Variants in MAML2 observed in about 807,000 individuals in gnomAD.
MAML2 encodes the protein mastermind-like protein 2.
MAML2 carries 22 observed loss-of-function variants against 96.1 expected under a neutral mutation model. The observed-to-expected ratio is 0.23, with a 90% confidence interval of 0.16 to 0.33. The LOEUF (loss-of-function observed/expected upper bound fraction) is 0.33, where lower values mean the gene tolerates loss of function less well. Ranked by LOEUF, MAML2 falls within the 10% of genes least tolerant of loss-of-function variation. The pLI is 1.00. For missense variants in MAML2, 1,367 were observed against 1,392.4 expected (o/e 0.98, Z 0.29); for synonymous variants, 561 against 521.3 (o/e 1.08, Z -1.04).
At chr11:96,295,167 A>G (rs1863274025) in intron 1 of MAML2, among the ~76,000 whole-genome samples, 1 of 152,228 alleles carries the variant, frequency 6.6e-6, no homozygotes, top group African/African-American at 2.4e-5. Flanking sequence ...ACTCTGAAAT[A>G]TGCACATTTA....
chr11:96,208,628 T>C (rs1861926375), intron 1 of MAML2, among the ~76,000 whole-genome samples: 2 of 152,214 alleles, frequency 1.3e-5, no homozygotes, highest in Admixed American at 1.3e-4. Flanking sequence ...CTTACTAGTT[T>C]ATTAATTCTG....
intron 2 of MAML2, among the ~76,000 whole-genome samples, chr11:96,001,210 G>T (rs1858072946): frequency 6.6e-6 from 1 of 152,162 alleles, no homozygotes; most frequent in Admixed American, 6.6e-5. Context: ...CTCTGGGGTG[G>T]ACACGTATTA....
At chr11:96,037,486 A>T (rs1858736308) in intron 2 of MAML2, among the ~76,000 whole-genome samples, 2 of 152,218 alleles carry the variant, frequency 1.3e-5, no homozygotes, top group Admixed American at 1.3e-4. Flanking sequence ...CCTGTTACTG[A>T]AGCATGCATT....
intron 1 of MAML2, among the ~76,000 whole-genome samples, chr11:96,125,103 A>G (rs896953787): frequency 2.0e-5 from 3 of 152,190 alleles, no homozygotes; most frequent in Non-Finnish European, 4.4e-5. Flanking sequence ...TTTGGAAGAA[A>G]AGACATTGCT....
intron 2 of MAML2, among the ~76,000 whole-genome samples, chr11:96,060,202 A>G (rs1405364881): frequency 1.3e-5 from 2 of 152,256 alleles, no homozygotes; most frequent in Admixed American, 1.3e-4. Context: ...TATAAATGCA[A>G]TAACTAAAGA....
chr11:96,056,885 C>T (rs1025481318), intron 2 of MAML2, among the ~76,000 whole-genome samples: 5 of 152,122 alleles, frequency 3.3e-5, no homozygotes, highest in African/African-American at 1.2e-4. Flanking sequence ...ATTTTGACTG[C>T]AAAGTAAGTG....
chr11:96,105,859 T>A (rs907444373), intron 1 of MAML2, among the ~76,000 whole-genome samples: 7 of 134,942 alleles, frequency 5.2e-5, no homozygotes, highest in African/African-American at 1.6e-4. Flanking sequence ...TTTACTAAGA[T>A]ATTTGGTTAT....
intron 1 of MAML2, among the ~76,000 whole-genome samples, chr11:96,123,455 C>A (rs981917406): frequency 6.6e-6 from 1 of 152,168 alleles, no homozygotes; most frequent in African/African-American, 2.4e-5. Context: ...AAGGGGCTGG[C>A]AATTTACCAT....
intron 2 of MAML2, among the ~76,000 whole-genome samples, chr11:96,062,807 T>C (rs1012129136): frequency 6.6e-6 from 1 of 152,166 alleles, no homozygotes; most frequent in African/African-American, 2.4e-5. Context: ...CCTAAGAACA[T>C]TTTTTGTTCC....
At chr11:96,173,693 G>C (rs1861337515) in intron 1 of MAML2, among the ~76,000 whole-genome samples, 1 of 152,204 alleles carries the variant, frequency 6.6e-6, no homozygotes, top group African/African-American at 2.4e-5. Flanking sequence ...TGGACCCTCA[G>C]CGATGGCAGA....
intron 1 of MAML2, among the ~76,000 whole-genome samples, chr11:96,110,162 G>A (rs1429695793): frequency 6.6e-6 from 1 of 152,144 alleles, no homozygotes; most frequent in African/African-American, 2.4e-5. Flanking sequence ...GTGCCAAGTT[G>A]CAATGTTTTG....
intron 2 of MAML2, among the ~76,000 whole-genome samples, chr11:96,067,047 G>A (rs532830987): frequency 1.3e-5 from 2 of 152,304 alleles, no homozygotes. Flanking sequence ...GGGCCTGTGA[G>A]GACTTTGCCT....
At chr11:96,201,294 G>T (rs191051024) in intron 1 of MAML2, among the ~76,000 whole-genome samples, 1 of 152,132 alleles carries the variant, frequency 6.6e-6, no homozygotes, top group Non-Finnish European at 1.5e-5. Context: ...AGTAAGGGGA[G>T]GAGGAAAGGG....
chr11:96,196,549 G>T (rs1023607923), intron 1 of MAML2, among the ~76,000 whole-genome samples: 2 of 152,154 alleles, frequency 1.3e-5, no homozygotes, highest in African/African-American at 2.4e-5. Flanking sequence ...TGTGTGTCTT[G>T]CCCATTTACG....
At chr11:96,287,048 A>G (rs1863150209) in intron 1 of MAML2, among the ~76,000 whole-genome samples, 1 of 152,174 alleles carries the variant, frequency 6.6e-6, no homozygotes, top group African/African-American at 2.4e-5. Context: ...ATAAATGGAG[A>G]TACTGAGCAA....
At chr11:96,178,687 G>T (rs915146557) in intron 1 of MAML2, among the ~76,000 whole-genome samples, 1 of 152,152 alleles carries the variant, frequency 6.6e-6, no homozygotes, top group Non-Finnish European at 1.5e-5. Flanking sequence ...AAAAACATAC[G>T]CAGCTGCAGC....
chr11:96,168,439 G>A (rs540526234), intron 1 of MAML2, among the ~76,000 whole-genome samples: 131 of 152,268 alleles, frequency 8.6e-4, no homozygotes, highest in South Asian at 1.5e-3. Context: ...GAGGAGAGAT[G>A]AAGTCCAGGC....
rs189923026 is a variant in MAML2 at position 96,141,655 on chromosome 11, G to T, written c.514-48138C>A. 2.0e-5 allele frequency among the ~76,000 whole-genome samples: 3 copies of T among 152,164 alleles called. 1 individual carries two copies. The highest frequency in any genetic ancestry group is 4.4e-5 in the Non-Finnish European group (3 of 68,020). ...TGAGCACAGAAGACCTCCTCCCTCC[G>T]ATTGCCTTCCTTCTCCACACATAAG... On this transcript the variant is annotated intron_variant, in intron 1 of 4. Coordinates refer to ENST00000524717, the MANE Select transcript of MAML2 (RefSeq NM_032427.4).
At chr11:96,157,094 C>T (rs75854805) in intron 1 of MAML2, among the ~76,000 whole-genome samples, 8,610 of 152,272 alleles carry the variant, frequency 0.057, 601 homozygotes, top group African/African-American at 0.16. Context: ...GCAGACACTA[C>T]AAGAAGAGAT....
Sources: allele counts gnomAD v4.1 joint callset (sites outside exome capture counted in the v4.1 genomes callset), GRCh38; gene constraint gnomAD v4.1.1; transcripts MANE v1.5; gene names NCBI Gene and HGNC (gene_info 2026-07-23, HGNC 2026-07-21).